Variants in WNT5A observed in about 807,000 individuals in gnomAD.
WNT5A encodes protein Wnt-5a.
WNT5A carries 9 observed loss-of-function variants against 42.1 expected under a neutral mutation model. The ratio of observed to expected loss-of-function variants is 0.21; its 90% CI spans 0.13 to 0.37. WNT5A has a LOEUF of 0.37. WNT5A is among the 10% of genes least tolerant of loss of function. WNT5A has a pLI of 1.00. For missense variants in WNT5A, 426 were observed against 534.0 expected (o/e 0.80, Z 1.99); for synonymous variants, 210 against 210.0 (o/e 1.00, Z 0.00).
In WNT5A at chr3:55,483,936, AC is replaced by A. The variant is rs578245695; in HGVS notation, c.7-3019del. 1.3e-3 allele frequency among the ~76,000 whole-genome samples: 196 copies of A among 152,012 alleles called. No individual in the cohort carries two copies. Among genetic ancestry groups the A allele is most frequent in the African/African-American group, 4.6e-3 (191 of 41,442 alleles). Reference sequence around the variant, plus strand: ...GGATGCACACCTAAAGTCTCGCAACACCCAACTCCTCCTCCGCAGGCAGTCC... The same window carrying A: ...GGATGCACACCTAAAGTCTCGCAACACCAACTCCTCCTCCGCAGGCAGTCC... On this transcript the variant is annotated intron_variant, in intron 1 of 4. Transcript: ENST00000264634. This position sits in a 1 kb window ranked among gnomAD's most constrained non-coding sequence, Gnocchi z 4.2.
At position 55,487,038 on chromosome 3, in the gene WNT5A, G is replaced by T; in HGVS notation, c.-53C>A. ...AGTCGCCACCCGAGCGAGCGCAGCC[G>T]AGGAATCCGAGCGGAGCGACCGGGT... On this transcript the variant is annotated 5_prime_UTR_variant, in exon 1 of 5. Coordinates refer to ENST00000264634, the MANE Select transcript of WNT5A (RefSeq NM_003392.7). The T allele has an allele frequency of 6.3e-7, 1 of 1,593,688 alleles. No individual in the cohort carries two copies. The highest frequency in any genetic ancestry group is 8.6e-7 in the Non-Finnish European group (1 of 1,167,240).
At chr3:55,494,827 G>A (rs1213805397), upstream of WNT5A, among the ~76,000 whole-genome samples, 1 of 152,124 alleles carries the variant, frequency 6.6e-6, no homozygotes, top group Non-Finnish European at 1.5e-5. Flanking sequence ...GTGAGCCATG[G>A]CACCAGACCG....
At chr3:55,482,094 G>A (rs2051476395) in intron 1 of WNT5A, among the ~76,000 whole-genome samples, 1 of 152,202 alleles carries the variant, frequency 6.6e-6, no homozygotes, top group Non-Finnish European at 1.5e-5. Flanking sequence ...GGTCAGTGCC[G>A]AAAGGTGGGG....
chr3:55,485,302 C>A (rs1053639410), intron 1 of WNT5A, among the ~76,000 whole-genome samples: 1 of 151,804 alleles, frequency 6.6e-6, no homozygotes, highest in East Asian at 2.0e-4. Flanking sequence ...AAGAAAAGGC[C>A]GCGGGGATGG....
upstream of WNT5A, among the ~76,000 whole-genome samples, chr3:55,488,883 G>A (rs1476129591): frequency 6.6e-6 from 1 of 152,172 alleles, no homozygotes; most frequent in Non-Finnish European, 1.5e-5. Flanking sequence ...CTTACCTCTG[G>A]GGGAGGATAC....
Position 55,487,008 on chromosome 3 carries a change from G to T in WNT5A, c.-23C>A. ...CATGGCGAGGGGGAGGGGGCGCGGG[G>T]AGGAAGTCGCCACCCGAGCGAGCGC... On this transcript the variant is annotated 5_prime_UTR_variant, in exon 1 of 5. Transcript: ENST00000264634. 1 of 1,610,738 alleles carries T rather than the reference G, an allele frequency of 6.2e-7. No individual in the cohort carries two copies. Among genetic ancestry groups the T allele is most frequent in the Non-Finnish European group, 8.5e-7 (1 of 1,178,586 alleles).
rs954400880 is a variant in WNT5A at position 55,469,980 on chromosome 3, G to C, written c.*112C>G. On this transcript the variant is annotated 3_prime_UTR_variant, in exon 5 of 5. Transcript: ENST00000264634. ...AACAGGAAAAAAAATGGTTCCGGTT[G>C]CAATTCTTGGGGAAAAATAAAAAAT... The C allele has an allele frequency of 1.9e-4, 251 of 1,301,002 alleles. No individual in the cohort carries two copies. The highest frequency in any genetic ancestry group is 2.6e-4 in the Non-Finnish European group (240 of 925,510). 80.6% of individuals were successfully genotyped at this position (1,301,002 alleles called of 1,614,324 possible). A position where few individuals can be genotyped will look rare whatever the true frequency, so the allele number is the denominator to read the frequency against.
chr3:55,479,333 A>G lies in WNT5A; in HGVS notation c.372T>C (p.Phe124=), dbSNP rs2051412690. 1 of 1,577,810 alleles carries G rather than the reference A, an allele frequency of 6.3e-7. No homozygotes were observed. The highest frequency in any genetic ancestry group is 8.6e-7 in the Non-Finnish European group (1 of 1,159,154). The change falls in exon 3 of 5, where the codon TTT becomes TTC. Residue 124 remains phenylalanine (F), a synonymous_variant. Transcript: ENST00000264634. ...NCSTVDNTSV[F]GRVMQIGSRE... ...TCCTACCTATCTGCATCACCCTGCC[A>G]AAAACAGAGGTGTTATCCACAGTGC...
chr3:55,469,958 AG>A lies in WNT5A; in HGVS notation c.*133del, dbSNP rs1376010035. On this transcript the variant is annotated 3_prime_UTR_variant, in exon 5 of 5. Coordinates refer to ENST00000264634, the MANE Select transcript of WNT5A (RefSeq NM_003392.7). ...AACCACAGAGTTCTTAGATGGTAAC[AG>A]GAAAAAAAATGGTTCCGGTTGCAAT... 1.0e-6 allele frequency: 1 copy of A among 978,456 alleles called. No individual in the cohort carries two copies. Among genetic ancestry groups the A allele is most frequent in the Non-Finnish European group, 1.5e-6 (1 of 648,140 alleles). The allele number at this position is 978,456 out of a possible 1,614,324, so 60.6% of individuals were successfully genotyped here.
At chr3:55,494,974 A>AGAAT (rs1260235333), upstream of WNT5A, among the ~76,000 whole-genome samples, 1 of 152,256 alleles carries the variant, frequency 6.6e-6, no homozygotes, top group Non-Finnish European at 1.5e-5. Context: ...CTTTGGCCAA[A>AGAAT]GAATAAAAGT....
At chr3:55,498,407 G>C in the WNT5A span, among the ~76,000 whole-genome samples, 1 of 152,170 alleles carries the variant, frequency 6.6e-6, no homozygotes, top group African/African-American at 2.4e-5. Flanking sequence ...CAATAAAGCA[G>C]AGTATCCAGG....
rs1245815054 is a variant in WNT5A, at chr3:55,483,468, C to T, written c.7-2550G>A. Among the ~76,000 whole-genome samples the T allele has an allele frequency of 6.6e-6, 1 of 152,084 alleles. No homozygotes were observed. Among genetic ancestry groups the T allele is most frequent in the Admixed American group, 6.5e-5 (1 of 15,276 alleles). ...CGCCTGTTTACCAAGAGATCAGATC[C>T]GAAAAGACAGTATGAAATGAGACCT... On this transcript the variant is annotated intron_variant, in intron 1 of 4. Coordinates refer to ENST00000264634, the MANE Select transcript of WNT5A (RefSeq NM_003392.7). The surrounding 1 kb of genome is among the most constrained non-coding windows in gnomAD (Gnocchi z 4.2).
At chr3:55,475,436 C>G (rs921420981) in intron 3 of WNT5A, among the ~76,000 whole-genome samples, 6 of 152,170 alleles carry the variant, frequency 3.9e-5, no homozygotes, top group African/African-American at 1.4e-4. Context: ...CTTCATGCAG[C>G]AGAAAGTATT....
the WNT5A span, among the ~76,000 whole-genome samples, chr3:55,501,408 C>A: frequency 6.6e-6 from 1 of 152,194 alleles, no homozygotes; most frequent in Non-Finnish European, 1.5e-5. Flanking sequence ...GACCTGTGCA[C>A]GCACAGTTTT....
At chr3:55,477,705 A>G (rs575790015) in intron 3 of WNT5A, among the ~76,000 whole-genome samples, 4 of 152,230 alleles carry the variant, frequency 2.6e-5, no homozygotes, top group Non-Finnish European at 5.9e-5. Flanking sequence ...AAATTCACTT[A>G]GCAAATGATA....
the WNT5A span, among the ~76,000 whole-genome samples, chr3:55,501,094 T>G: frequency 6.6e-6 from 1 of 152,200 alleles, no homozygotes; most frequent in Non-Finnish European, 1.5e-5. Context: ...GATTAAGCAA[T>G]TAGTTTGGGG....
intron 1 of WNT5A, among the ~76,000 whole-genome samples, chr3:55,485,495 A>C (rs2051560248): frequency 2.0e-5 from 3 of 152,132 alleles, no homozygotes; most frequent in East Asian, 1.9e-4. Context: ...CTACACACAC[A>C]AACACACACG....
chr3:55,486,834 G>T, intron 1 of WNT5A, 146 bp downstream of exon 1: 1 of 725,766 alleles, frequency 1.4e-6, no homozygotes, highest in Non-Finnish European at 2.5e-6. Flanking sequence ...AAGGGGTAGG[G>T]GTTCCTGCCA....
chr3:55,486,932 G>T, intron 1 of WNT5A, 48 bp downstream of exon 1: 3 of 1,477,664 alleles, frequency 2.0e-6, no homozygotes, highest in Non-Finnish European at 2.8e-6. Flanking sequence ...TTCCAACAGG[G>T]GGTGGGGGGA....
Sources: allele counts gnomAD v4.1 joint callset (sites outside exome capture counted in the v4.1 genomes callset), GRCh38; gene constraint gnomAD v4.1.1; non-coding constraint Gnocchi (gnomAD v3.1); transcripts MANE v1.5; gene names NCBI Gene and HGNC (gene_info 2026-07-23, HGNC 2026-07-21).